Variants in ESR1 observed in about 807,000 individuals in gnomAD.
ESR1 encodes the protein estrogen receptor.
A neutral mutation model predicts 52.7 loss-of-function variants in ESR1; 12 were observed. The ratio of observed to expected loss-of-function variants is 0.23; its 90% CI spans 0.15 to 0.37. The LOEUF is 0.37. ESR1 is among the 10% of genes least tolerant of loss of function. The pLI is 1.00. For missense variants in ESR1, 584 were observed against 779.7 expected, an observed-to-expected ratio of 0.75 and a Z score of 2.99; for synonymous variants, 305 against 316.8, an observed-to-expected ratio of 0.96 and a Z score of 0.39.
intron 1 of ESR1, among the ~76,000 whole-genome samples, chr6:151,677,959 T>TA (rs1420426529): frequency 3.3e-5 from 4 of 120,436 alleles, no homozygotes; most frequent in Non-Finnish European, 7.8e-5. Context: ...GTTACATTTG[T>TA]AAAAAAATTA....
intron 4 of ESR1, among the ~76,000 whole-genome samples, chr6:151,990,214 T>G (rs559441475): frequency 6.6e-6 from 1 of 152,160 alleles, no homozygotes; most frequent in South Asian, 2.1e-4. Context: ...CTTGTTTAAT[T>G]TTTTTGGTGA....
upstream of ESR1, among the ~76,000 whole-genome samples, chr6:151,687,676 C>G (rs2115327938): frequency 6.6e-6 from 1 of 152,256 alleles, no homozygotes; most frequent in East Asian, 1.9e-4. Context: ...TTGTGGAAGC[C>G]AGGCTGTTAG....
At chr6:151,829,503 T>C (rs898306916) in intron 1 of ESR1, among the ~76,000 whole-genome samples, 2 of 152,224 alleles carry the variant, frequency 1.3e-5, no homozygotes, top group African/African-American at 4.8e-5. Context: ...GAAACGGCCA[T>C]TTGTCATCAT....
chr6:151,755,216 A>AAG (rs1554251165), intron 2 of ESR1, among the ~76,000 whole-genome samples: 36 of 151,322 alleles, frequency 2.4e-4, no homozygotes, highest in African/African-American at 8.8e-4. Context: ...CCTCAAAAAA[A>AAG]AAAAACAAAA....
chr6:152,082,578 C>T (rs1286866468), intron 6 of ESR1, among the ~76,000 whole-genome samples: 1 of 152,186 alleles, frequency 6.6e-6, no homozygotes, highest in Non-Finnish European at 1.5e-5. Flanking sequence ...TCTCTCACCA[C>T]TCCTATTCAA....
intron 3 of ESR1, 47 bp downstream of exon 3, chr6:151,880,818 G>A (rs761541998): frequency 8.4e-6 from 8 of 947,918 alleles, no homozygotes; most frequent in African/African-American, 1.6e-5. Context: ...CCTGGCCACC[G>A]CCCAGTGCTG....
rs116308668 is a variant in ESR1 at position 151,765,958 on chromosome 6, T to C, written c.-70-41885T>C. Among the ~76,000 whole-genome samples, 553 of 152,344 alleles carry C rather than the reference T, an allele frequency of 3.6e-3. 2 individuals carry two copies. The highest frequency in any genetic ancestry group is 0.012 in the African/African-American group (514 of 41,568). ...CATGGTGATTCCAAGAGACTCTTAA[T>C]AAAACTTTTCAAAGTAGATGAGAGA... On this transcript the variant is annotated intron_variant, in intron 2 of 2. Transcript: ENST00000404742.
chr6:151,951,410 A>T (rs553765675), intron 4 of ESR1, among the ~76,000 whole-genome samples: 1 of 152,236 alleles, frequency 6.6e-6, no homozygotes, highest in South Asian at 2.1e-4. Context: ...TCGTTTGATT[A>T]TTTTTTCCAA....
chr6:151,818,113 T>A (rs2128183122), intron 1 of ESR1, among the ~76,000 whole-genome samples: 1 of 152,324 alleles, frequency 6.6e-6, no homozygotes, highest in South Asian at 2.1e-4. Flanking sequence ...CAATTTTGCG[T>A]TGTAGAAGAC....
rs2050771199 is a variant in ESR1 at position 152,098,096 on chromosome 6, G to T, written c.1554-636G>T. 6.6e-6 allele frequency among the ~76,000 whole-genome samples: 1 copy of T among 151,876 alleles called. No homozygotes were observed. Among genetic ancestry groups the T allele is most frequent in the Non-Finnish European group, 1.5e-5 (1 of 67,972 alleles). ...AGCAAGTGTAGGTCCCCTAAGTCTT[G>T]GGGGAGCTTAGTTCCTTTAAGGGCA... is the stretch of plus-strand genomic sequence containing the variant. On this transcript the variant is annotated intron_variant, in intron 7 of 7. Coordinates refer to ENST00000206249, the MANE Select transcript of ESR1 (RefSeq NM_000125.4). This position sits in a 1 kb window ranked among gnomAD's most constrained non-coding sequence, Gnocchi z 5.1.
chr6:152,122,469 C>A, intron 6 of ESR1: 2 of 1,614,178 alleles, frequency 1.2e-6, no homozygotes, highest in Non-Finnish European at 1.7e-6. Flanking sequence ...TGTATCTGAG[C>A]ATGGGGTGGA....
intron 1 of ESR1, among the ~76,000 whole-genome samples, chr6:151,823,512 TG>T (rs1203341293): frequency 6.6e-6 from 1 of 152,226 alleles, no homozygotes; most frequent in South Asian, 2.1e-4. Context: ...AGGGTACATG[TG>T]CACAATGTGC....
intron 2 of ESR1, among the ~76,000 whole-genome samples, chr6:151,729,689 T>TA (rs756076913): frequency 3.0e-4 from 46 of 152,300 alleles, no homozygotes; most frequent in Non-Finnish European, 5.1e-4. Flanking sequence ...TTCCTCTATT[T>TA]ACAGATGGGG....
At chr6:151,727,566 C>T (rs913878693) in intron 2 of ESR1, among the ~76,000 whole-genome samples, 1 of 152,166 alleles carries the variant, frequency 6.6e-6, no homozygotes. Context: ...TTATAATATA[C>T]TATCTTTTTT....
intron 3 of ESR1, among the ~76,000 whole-genome samples, chr6:151,904,046 C>T (rs906446833): frequency 3.3e-5 from 5 of 152,104 alleles, no homozygotes; most frequent in Non-Finnish European, 5.9e-5. Flanking sequence ...CTAAACTATT[C>T]CCTTGATATA....
At chr6:151,844,737 T>A (rs1037296428) in intron 2 of ESR1, among the ~76,000 whole-genome samples, 3 of 152,234 alleles carry the variant, frequency 2.0e-5, no homozygotes, top group African/African-American at 7.2e-5. Context: ...GATTTTTAAA[T>A]CTAAAGTTTT....
chr6:151,699,696 A>G (rs1029418667), intron 1 of ESR1, among the ~76,000 whole-genome samples: 1 of 152,182 alleles, frequency 6.6e-6, no homozygotes, highest in Non-Finnish European at 1.5e-5. Flanking sequence ...ATCAATAAGG[A>G]GTGTCATATT....
chr6:151,894,688 G>A (rs986524826), intron 3 of ESR1, among the ~76,000 whole-genome samples: 1 of 152,094 alleles, frequency 6.6e-6, no homozygotes, highest in South Asian at 2.1e-4. Context: ...GCAAAGAGCA[G>A]TTGGCTGTAA....
At chr6:151,758,197 G>C (rs777917072) in intron 2 of ESR1, among the ~76,000 whole-genome samples, 1 of 152,184 alleles carries the variant, frequency 6.6e-6, no homozygotes, top group Non-Finnish European at 1.5e-5. Context: ...TTCCCAAATA[G>C]AGGTAGCAAA....
Sources: gnomAD v4.1 joint callset for allele counts (sites outside exome capture counted in the v4.1 genomes callset) on GRCh38, gnomAD v4.1.1 for gene constraint, Gnocchi (gnomAD v3.1) non-coding constraint, MANE v1.5 for transcripts, NCBI Gene and HGNC (gene_info 2026-07-23, HGNC 2026-07-21) for gene names.